FOXI1: variants seen among roughly 807,000 people sequenced by gnomAD.
FOXI1 encodes forkhead box I1.
FOXI1 carries 11 observed loss-of-function variants against 16.4 expected under a neutral mutation model. The ratio of observed to expected loss-of-function variants is 0.67; its 90% CI spans 0.42 to 1.11. The LOEUF (loss-of-function observed/expected upper bound fraction) is 1.11, where lower values mean the gene tolerates loss of function less well. FOXI1 is among the 50% of genes least tolerant of loss of function. FOXI1 has a pLI of 0.00. For synonymous variants in FOXI1, 218 were observed against 211.5 expected (o/e 1.03, Z -0.27); for missense variants, 480 against 506.1 (o/e 0.95, Z 0.49).
In FOXI1 at chr5:170,108,306, C is replaced by G; in HGVS notation, c.832C>G (p.Leu278Val). Residue 278 changes from leucine (L) to valine (V), a missense_variant, in exon 2 of 2, where the codon CTT becomes GTT. Around this residue, in one of 3 missense-constraint regions of FOXI1, gnomAD observed 257 missense variants for 262.2 expected, o/e 0.98. Transcript: ENST00000306268. ...CCCTCCCCCATCAGGCGCCCCTTGC[C>G]TTAACAGCTTCCTTTCCTCTATGAC... ...PSPPPSGAPC[L>V]NSFLSSMTAY... is the part of the protein sequence containing the mutation. 1 of 1,614,176 alleles carries G rather than the reference C, an allele frequency of 6.2e-7. No homozygotes were observed. Among genetic ancestry groups the G allele is most frequent in the Non-Finnish European group, 8.5e-7 (1 of 1,180,034 alleles).
chr5:170,106,703 G>A (rs1758500806), intron 1 of FOXI1, among the ~76,000 whole-genome samples, 172 bp downstream of exon 1: 1 of 152,254 alleles, frequency 6.6e-6, no homozygotes, highest in Non-Finnish European at 1.5e-5. Flanking sequence ...CCTGGGGGAA[G>A]ATTTGGGTTT....
At chr5:170,107,391 G>A (rs1581593423) in intron 1 of FOXI1, among the ~76,000 whole-genome samples, 1 of 152,206 alleles carries the variant, frequency 6.6e-6, no homozygotes, top group South Asian at 2.1e-4. Context: ...GCAAACACCA[G>A]GCCTGTTTGT....
At chr5:170,107,507 T>C (rs1254626108) in intron 1 of FOXI1, among the ~76,000 whole-genome samples, 2 of 152,164 alleles carry the variant, frequency 1.3e-5, no homozygotes, top group African/African-American at 4.8e-5. Flanking sequence ...ACCTCCCAGC[T>C]GCAACGCTCC....
rs951259617 is a variant in FOXI1 at position 170,108,237 on chromosome 5, G to A, written c.763G>A (p.Ala255Thr). 7 of 1,614,066 alleles carry A rather than the reference G, an allele frequency of 4.3e-6. No individual in the cohort carries two copies. Among genetic ancestry groups the A allele is most frequent in the Non-Finnish European group, 5.9e-6 (7 of 1,180,030 alleles). Residue 255 changes from alanine to threonine, a missense_variant, in exon 2 of 2, where the codon GCC becomes ACC. By Grantham distance (58) the Ala-to-Thr change is moderately conservative. Transcript: ENST00000306268. ...GGAGCCTCAGGACATCTTGGATGGA[G>A]CCTCACCAGGGGGCACCACCAGCTC... ...TTEPQDILDGASPGGTTSSPE... is the reference protein window; with the variant it reads ...TTEPQDILDGTSPGGTTSSPE...
chr5:170,108,570 A>G lies in FOXI1; in HGVS notation c.1096A>G (p.Thr366Ala). ...CCCTCACTTCTACAACAGTGTCAAC[A>G]CCAGTGGTGTCCTCTACCCCAGGGA... ...FSPHFYNSVN[T>A]SGVLYPREGT... Residue 366 changes from threonine to alanine, a missense_variant, in exon 2 of 2, where the codon ACC becomes GCC. By Grantham distance (58) the Thr-to-Ala change is moderately conservative. Transcript: ENST00000306268. 6.2e-7 allele frequency: 1 copy of G among 1,613,682 alleles called. No individual in the cohort carries two copies. Among genetic ancestry groups the G allele is most frequent in the Non-Finnish European group, 8.5e-7 (1 of 1,179,962 alleles).
In FOXI1 at chr5:170,108,189, C is replaced by T. The variant is rs906548347; in HGVS notation, c.715C>T (p.Pro239Ser). ...CTTAGAGAAGACAGAGAGCAGTCTC[C>T]CGGTGGACAGCCCCAAGACCACGGA... is the stretch of plus-strand genomic sequence containing the variant. ...LALEKTESSL[P>S]VDSPKTTEPQ... Residue 239 changes from proline to serine, a missense_variant, in exon 2 of 2, where the codon CCG becomes TCG. Physicochemically the swap from Pro to Ser is moderately conservative, Grantham distance 74 (BLOSUM62 -1). Transcript: ENST00000306268. 15 of 1,614,140 alleles carry T rather than the reference C, an allele frequency of 9.3e-6. No homozygotes were observed. Among genetic ancestry groups the T allele is most frequent in the Non-Finnish European group, 1.3e-5 (15 of 1,180,026 alleles).
At position 170,106,039 on chromosome 5, in the gene FOXI1, A is replaced by C. The variant is rs1159049162; in HGVS notation, c.82A>C (p.Met28Leu). The C allele has an allele frequency of 6.2e-7, 1 of 1,612,430 alleles. No individual in the cohort carries two copies. The highest frequency in any genetic ancestry group is 1.1e-5 in the South Asian group (1 of 90,954). Residue 28 changes from methionine (M) to leucine (L), a missense_variant, in exon 1 of 2, where the codon ATG becomes CTG. Transcript: ENST00000306268. ...CAGCATCGGCCAGGAGCCCCCCGAG[A>C]TGAACCTCTACTATGAGAACTTCTT... ...FPSIGQEPPEMNLYYENFFHP... is the reference protein window; with the variant it reads ...FPSIGQEPPELNLYYENFFHP...
intron 1 of FOXI1, 141 bp downstream of exon 1, chr5:170,106,672 A>C: frequency 1.6e-5 from 21 of 1,308,238 alleles, no homozygotes; most frequent in Middle Eastern, 1.8e-4. Context: ...AGGGGAGCTC[A>C]GCAGTGAAGG....
chr5:170,107,856 A>G (rs975217093), intron 1 of FOXI1, among the ~76,000 whole-genome samples, 193 bp from the exon 2 acceptor site: 1 of 152,202 alleles, frequency 6.6e-6, no homozygotes, highest in African/African-American at 2.4e-5. Context: ...GGGCCCTGTC[A>G]TGGGCTGCTT....
Position 170,106,026 on chromosome 5 carries a change from G to A in FOXI1, c.69G>A (p.Gln23=). The part of the protein sequence containing the change: ...RCSPQFPSIG[Q]EPPEMNLYYE... ...GCCCCCAGTTCCCCAGCATCGGCCAGGAGCCCCCCGAGATGAACCTCTACT... is the reference window on the plus strand; with the variant it reads ...GCCCCCAGTTCCCCAGCATCGGCCAAGAGCCCCCCGAGATGAACCTCTACT... The change falls in exon 1 of 2, where the codon CAG becomes CAA. Residue 23 remains glutamine, a synonymous_variant. Transcript: ENST00000306268. The A allele has an allele frequency of 6.2e-7, 1 of 1,612,332 alleles. No individual in the cohort carries two copies.
At chr5:170,107,925 C>G (rs988341063) in intron 1 of FOXI1, 124 bp from the exon 2 acceptor site, 10 of 771,982 alleles carry the variant, frequency 1.3e-5, no homozygotes, top group Non-Finnish European at 2.3e-5. Flanking sequence ...TTTCTCAGTC[C>G]CTGCCTGTCG....
intron 1 of FOXI1, chr5:170,106,871 A>T: frequency 2.2e-6 from 1 of 447,052 alleles, no homozygotes; most frequent in Non-Finnish European, 3.0e-6. Context: ...AGGTGTTATC[A>T]AGCGCTTAAT....
chr5:170,106,245 G>C lies in FOXI1; in HGVS notation c.288G>C (p.Leu96=), dbSNP rs760272275. The change falls in exon 1 of 2, where the codon CTG becomes CTC. Residue 96 remains leucine, a synonymous_variant. Transcript: ENST00000306268. ...CCTATGGAGTGCAGAGGCCGCTGCT[G>C]CCCAGCGTGTCGGGGCTTGGGGGGA... The part of the protein sequence containing the change: ...PQAYGVQRPL[L]PSVSGLGGSD... The C allele has an allele frequency of 1.3e-6, 2 of 1,580,084 alleles. No homozygotes were observed. The highest frequency in any genetic ancestry group is 2.3e-5 in the South Asian group (2 of 87,156).
chr5:170,106,290 C>A lies in FOXI1; in HGVS notation c.333C>A (p.Pro111=). ...GGGGGAGCGACCTGGGCTGGCTGCC[C>A]ATCCCCTCGCAGGAGGAGCTGATGA... is the stretch of plus-strand genomic sequence containing the variant. ...GLGGSDLGWL[P]IPSQEELMKL... Residue 111 remains proline (P), a synonymous_variant, in exon 1 of 2, where the codon CCC becomes CCA. Coordinates refer to ENST00000306268, the MANE Select transcript of FOXI1 (RefSeq NM_012188.5). The A allele has an allele frequency of 1.3e-6, 2 of 1,585,070 alleles. No individual in the cohort carries two copies. The highest frequency in any genetic ancestry group is 2.3e-5 in the East Asian group (1 of 42,760).
chr5:170,106,434 C>T lies in FOXI1; in HGVS notation c.477C>T (p.Phe159=). 1 of 1,614,268 alleles carries T rather than the reference C, an allele frequency of 6.2e-7. No homozygotes were observed. Among genetic ancestry groups the T allele is most frequent in the South Asian group, 1.1e-5 (1 of 91,092 alleles). The change falls in exon 1 of 2, where the codon TTC becomes TTT. Residue 159 remains phenylalanine (F), a synonymous_variant. Transcript: ENST00000306268. Reference sequence around the variant, plus strand: ...AGTACGTGGCCGACAACTTCCCCTTCTACAACAAGAGCAAGGCCGGCTGGC... The same window carrying T: ...AGTACGTGGCCGACAACTTCCCCTTTTACAACAAGAGCAAGGCCGGCTGGC... ...IYQYVADNFP[F]YNKSKAGWQN...
rs901015207 is a variant in FOXI1 at position 170,108,872 on chromosome 5, C to T, written c.*261C>T. 9.8e-6 allele frequency: 5 copies of T among 511,862 alleles called. No homozygotes were observed. Among genetic ancestry groups the T allele is most frequent in the African/African-American group, 9.6e-5 (5 of 52,204 alleles). The allele number at this position is 511,862 out of a possible 1,614,324, so 31.7% of individuals were successfully genotyped here. A position where few individuals can be genotyped will look rare whatever the true frequency, so the allele number is the denominator to read the frequency against. On this transcript the variant is annotated 3_prime_UTR_variant, in exon 2 of 2. Transcript: ENST00000306268. ...ACAGTGGCAGGTGCTGTACTAGGCT[C>T]TGTACTGGCCACACTTACTATTGAC...
chr5:170,107,922 G>C, intron 1 of FOXI1, 127 bp from the exon 2 acceptor site: 1 of 762,454 alleles, frequency 1.3e-6, no homozygotes, highest in Non-Finnish European at 2.3e-6. Context: ...CCATTTCTCA[G>C]TCCCTGCCTG....
chr5:170,109,002 G>A lies in FOXI1; in HGVS notation c.*391G>A, dbSNP rs1003724719. The A allele has an allele frequency of 5.4e-6, 1 of 185,728 alleles. No individual in the cohort carries two copies. Among genetic ancestry groups the A allele is most frequent in the Admixed American group, 5.6e-5 (1 of 17,832 alleles). 11.5% of individuals were successfully genotyped at this position (185,728 alleles called of 1,614,324 possible). On this transcript the variant is annotated 3_prime_UTR_variant, in exon 2 of 2. Transcript: ENST00000306268. ...GGGTTATATAAACTAGTAAATGGCA[G>A]AGCTAAGAGTCAAATCCAGGTCTAT... is the stretch of plus-strand genomic sequence containing the variant.
Position 170,108,212 on chromosome 5 carries a change from G to A in FOXI1, c.738G>A (p.Thr246=), listed in dbSNP as rs768707284. The change falls in exon 2 of 2, where the codon ACG becomes ACA. Residue 246 remains threonine (T), a synonymous_variant. Transcript: ENST00000306268. The part of the protein sequence containing the change: ...SSLPVDSPKT[T]EPQDILDGAS... ...TCCCGGTGGACAGCCCCAAGACCAC[G>A]GAGCCTCAGGACATCTTGGATGGAG... 72 of 1,613,988 alleles carry A rather than the reference G, an allele frequency of 4.5e-5. No homozygotes were observed. Among genetic ancestry groups the A allele is most frequent in the Non-Finnish European group, 5.7e-5 (67 of 1,180,024 alleles).
Sources: allele counts gnomAD v4.1 joint callset (sites outside exome capture counted in the v4.1 genomes callset), GRCh38; gene constraint gnomAD v4.1.1; regional missense constraint gnomAD v4.1.1; transcripts MANE v1.5; gene names NCBI Gene and HGNC (gene_info 2026-07-23, HGNC 2026-07-21).